The following ADGRB2 variants were observed in gnomAD, a reference collection of about 807,000 sequenced individuals.
ADGRB2 encodes adhesion G protein-coupled receptor B2.
Under a neutral mutation model 178.7 loss-of-function variants are expected in ADGRB2, and 47 were observed. The observed-to-expected ratio is 0.26, with a 90% CI of 0.21 to 0.34. ADGRB2 has a LOEUF of 0.34. Ranked by LOEUF, ADGRB2 falls within the 10% of genes least tolerant of loss-of-function variation. The pLI is 1.00. For missense variants in ADGRB2, 1,584 were observed against 2,180.8 expected, an observed-to-expected ratio of 0.73 and a Z score of 5.45; for synonymous variants, 870 against 912.4, an observed-to-expected ratio of 0.95 and a Z score of 0.84.
chr1:31,741,937 G>A lies in ADGRB2; in HGVS notation c.1448C>T (p.Ala483Val), dbSNP rs1364413308. 8 of 1,599,522 alleles carry A rather than the reference G, an allele frequency of 5.0e-6. No individual in the cohort carries two copies. Among genetic ancestry groups the A allele is most frequent in the Non-Finnish European group, 6.8e-6 (8 of 1,170,194 alleles). ...ACACGTCTTAGAGCACAGGCTCCACGCATTCCATGGCCCCCACTTGCTATC... is the reference window on the plus strand; with the variant it reads ...ACACGTCTTAGAGCACAGGCTCCACACATTCCATGGCCCCCACTTGCTATC... ...ATDSKWGPWN[A>V]WSLCSKTCDT... is the part of the protein sequence containing the mutation. The change falls in exon 9 of 33, where the codon GCG becomes GTG. Residue 483 changes from alanine (A) to valine (V), a missense_variant. By Grantham distance (64) the Ala-to-Val change is moderately conservative. Coordinates refer to ENST00000373658, the MANE Select transcript of ADGRB2 (RefSeq NM_001364857.2). This position sits in a 1 kb window ranked among gnomAD's most constrained non-coding sequence, Gnocchi z 6.5.
rs2148885399 is a variant in ADGRB2, at chr1:31,730,823, T to C, written c.4357A>G (p.Thr1453Ala). Residue 1453 changes from threonine to alanine, a missense_variant, in exon 29 of 33, where the codon ACC becomes GCC. By Grantham distance (58) the Thr-to-Ala change is moderately conservative. Around this residue, in one of 3 missense-constraint regions of ADGRB2, gnomAD observed 865 missense variants for 1,192.8 expected, o/e 0.73. Transcript: ENST00000373658. Reference sequence around the variant, plus strand: ...ACCTCCAGGGAGCCCATCTTCATGGTAGAGCCGGGCACGGTGCGAGGCATG... The same window carrying C: ...ACCTCCAGGGAGCCCATCTTCATGGCAGAGCCGGGCACGGTGCGAGGCATG... ...RTMPRTVPGS[T>A]MKMGSLERKK... 3 of 1,507,852 alleles carry C rather than the reference T, an allele frequency of 2.0e-6. No individual in the cohort carries two copies. Among genetic ancestry groups the C allele is most frequent in the South Asian group, 1.3e-5 (1 of 74,230 alleles). The allele number at this position is 1,507,852 out of a possible 1,614,324, so 93.4% of individuals were successfully genotyped here. A position where few individuals can be genotyped will look rare whatever the true frequency, so the allele number is the denominator to read the frequency against.
chr1:31,760,570 C>A (rs1409058158), intron 1 of ADGRB2: 1 of 152,120 alleles, frequency 6.6e-6, no homozygotes, highest in Non-Finnish European at 1.5e-5. Flanking sequence ...CAGGATGACT[C>A]CCATTCACGC....
In ADGRB2 at chr1:31,735,738, G is replaced by A. The variant is rs931344608; in HGVS notation, c.3268-73C>T. 7.0e-5 allele frequency: 111 copies of A among 1,575,988 alleles called. No individual in the cohort carries two copies. Among genetic ancestry groups the A allele is most frequent in the Non-Finnish European group, 9.3e-5 (107 of 1,155,852 alleles). On this transcript the variant is annotated intron_variant, in intron 23 of 32. Transcript: ENST00000373658. This position sits in a 1 kb window ranked among gnomAD's most constrained non-coding sequence, Gnocchi z 6.0. ...CCTCCTGGCAGGGAAATCCCCATGT[G>A]GGAGCTGGAGCGCAGGGAGGAGGTA...
At position 31,741,871 on chromosome 1, in the gene ADGRB2, G is replaced by A. The variant is rs374037147; in HGVS notation, c.1514C>T (p.Thr505Met). 3.4e-5 allele frequency: 55 copies of A among 1,610,978 alleles called. No homozygotes were observed. The highest frequency in any genetic ancestry group is 4.2e-5 in the Non-Finnish European group (49 of 1,177,800). ...WQRRFRMCQA[T>M]GTQGYPCEGT... is the part of the protein sequence containing the mutation. Reference sequence around the variant, plus strand: ...CTCGCAGGGGTAGCCCTGCGTGCCCGTGGCCTGGCACATGCGGAAGCGGCG... The same window carrying A: ...CTCGCAGGGGTAGCCCTGCGTGCCCATGGCCTGGCACATGCGGAAGCGGCG... Residue 505 changes from threonine to methionine, a missense_variant, in exon 9 of 33, where the codon ACG becomes ATG. Thr to Met is a moderately conservative substitution (Grantham distance 81). Transcript: ENST00000373658. The surrounding 1 kb of genome is among the most constrained non-coding windows in gnomAD (Gnocchi z 6.5).
chr1:31,760,442 T>G (rs543709264), intron 1 of ADGRB2, among the ~76,000 whole-genome samples: 2 of 152,152 alleles, frequency 1.3e-5, no homozygotes, highest in Admixed American at 6.5e-5. Context: ...GCTTCCCTTC[T>G]GCACCAATAA....
rs4949222 is a variant in ADGRB2, at chr1:31,755,314, G to A, written c.838+685C>T. Among the ~76,000 whole-genome samples the A allele has an allele frequency of 6.6e-6, 1 of 152,068 alleles. No homozygotes were observed. Among genetic ancestry groups the A allele is most frequent in the South Asian group, 2.1e-4 (1 of 4,830 alleles). On this transcript the variant is annotated intron_variant, in intron 4 of 32. Coordinates refer to ENST00000373658, the MANE Select transcript of ADGRB2 (RefSeq NM_001364857.2). The surrounding 1 kb of genome is among the most constrained non-coding windows in gnomAD (Gnocchi z 5.1). ...GGGAGCAGGCAGGACTCAAGGGCTC[G>A]CAGAGCTTTTGCCCAGTCAGCAGGA... is the stretch of plus-strand genomic sequence containing the variant.
intron 1 of ADGRB2, among the ~76,000 whole-genome samples, chr1:31,763,168 C>T (rs577023884): frequency 6.6e-6 from 1 of 151,790 alleles, no homozygotes; most frequent in South Asian, 2.1e-4. Flanking sequence ...GATGCGGGTC[C>T]AGTCGGGATC....
rs1305870534 is a variant in ADGRB2, at chr1:31,753,958, G to T, written c.838+2041C>A. 1.3e-5 allele frequency among the ~76,000 whole-genome samples: 2 copies of T among 152,146 alleles called. No individual in the cohort carries two copies. The highest frequency in any genetic ancestry group is 4.8e-5 in the African/African-American group (2 of 41,420). On this transcript the variant is annotated intron_variant, in intron 4 of 32. Transcript: ENST00000373658. The surrounding 1 kb of genome is among the most constrained non-coding windows in gnomAD (Gnocchi z 4.1). ...TCATCCCATGCCAACTCCCTACAGG[G>T]GCCCTCCCTAAAAAGCAACCCCAAG... is the stretch of plus-strand genomic sequence containing the variant.
chr1:31,759,242 C>A lies in ADGRB2; in HGVS notation c.-190-1731G>T. 2.6e-6 allele frequency: 2 copies of A among 770,870 alleles called. No homozygotes were observed. Among genetic ancestry groups the A allele is most frequent in the Non-Finnish European group, 4.9e-6 (2 of 411,346 alleles). The allele number at this position is 770,870 out of a possible 1,614,324, so 47.8% of individuals were successfully genotyped here. A position where few individuals can be genotyped will look rare whatever the true frequency, so the allele number is the denominator to read the frequency against. On this transcript the variant is annotated intron_variant, in intron 1 of 32. Transcript: ENST00000373658. The surrounding 1 kb of genome is among the most constrained non-coding windows in gnomAD (Gnocchi z 4.3). ...GCTGTCACACACACTCAGGAGTTAA[C>A]ACGCACACACAGGGGTGTAGAGGCT...
At position 31,739,586 on chromosome 1, in the gene ADGRB2, C is replaced by A; in HGVS notation, c.2217G>T (p.Thr739=). 1 of 1,609,466 alleles carries A rather than the reference C, an allele frequency of 6.2e-7. No individual in the cohort carries two copies. Among genetic ancestry groups the A allele is most frequent in the Middle Eastern group, 1.7e-4 (1 of 6,048 alleles). ...EPVSAVSSDI[T]FPMRGRRGMK... is the part of the protein sequence containing the mutation. ...TGCCCCGGCGGCCCCGCATGGGGAA[C>A]GTGATGTCACTGGACACAGCTGAGA... Residue 739 remains threonine, a synonymous_variant, in exon 15 of 33, where the codon ACG becomes ACT. Coordinates refer to ENST00000373658, the MANE Select transcript of ADGRB2 (RefSeq NM_001364857.2).
In ADGRB2 at chr1:31,737,442, C is replaced by T. The variant is rs771114994; in HGVS notation, c.2966G>A (p.Arg989Gln). The T allele has an allele frequency of 9.9e-6, 16 of 1,613,972 alleles. No homozygotes were observed. The highest frequency in any genetic ancestry group is 1.3e-5 in the African/African-American group (1 of 74,912). ...SNILILVGQS[R>Q]VLSKGVCTMT... Reference sequence around the variant, plus strand: ...GTCTGCACCTGCCTTGCTCAGCACCCGGGACTGGCCCACGAGGATCAGGAT... The same window carrying T: ...GTCTGCACCTGCCTTGCTCAGCACCTGGGACTGGCCCACGAGGATCAGGAT... The change falls in exon 20 of 33, where the codon CGG (arginine) becomes CAG (glutamine). Residue 989 changes from arginine to glutamine, a missense_variant. Arg to Gln is a conservative substitution (Grantham distance 43). This residue lies in a region of ADGRB2 where 865 missense variants were observed against 1,192.8 expected (regional missense o/e 0.73). Transcript: ENST00000373658.
chr1:31,737,904 C>G (rs892279963), intron 18 of ADGRB2, 149 bp from the exon 19 acceptor site: 32 of 803,294 alleles, frequency 4.0e-5, no homozygotes, highest in Non-Finnish European at 6.0e-5. Context: ...ACAGAACAGA[C>G]CCGGGTATCT....
In ADGRB2 at chr1:31,757,279, A is replaced by T; in HGVS notation, c.-58T>A. On this transcript the variant is annotated splice_region_variant and 5_prime_UTR_variant, in exon 3 of 33. Transcript: ENST00000373658. ...CAGCTGTGAGGCATGTCACCGCGTA[A>T]TCCTGTGGTAATTGTCAAAGTGGTG... 1 of 1,600,986 alleles carries T rather than the reference A, an allele frequency of 6.2e-7. No individual in the cohort carries two copies. The highest frequency in any genetic ancestry group is 8.6e-7 in the Non-Finnish European group (1 of 1,169,472).
intron 27 of ADGRB2, 145 bp downstream of exon 27, chr1:31,732,372 C>T: frequency 8.7e-7 from 1 of 1,152,968 alleles, no homozygotes; most frequent in Non-Finnish European, 1.3e-6. Flanking sequence ...CCAATGCCAC[C>T]CAGGTGTTAG....
rs369600137 is a variant in ADGRB2, at chr1:31,744,617, C to T, written c.922+31G>A. 67 of 1,611,328 alleles carry T rather than the reference C, an allele frequency of 4.2e-5. No individual in the cohort carries two copies. Among genetic ancestry groups the T allele is most frequent in the Non-Finnish European group, 5.5e-5 (65 of 1,178,412 alleles). ...CCAGACGCACACAGTCGGGCCCCCG[C>T]CGCAGAGGAAGGGAGGCGGGCCCGA... On this transcript the variant is annotated intron_variant, in intron 5 of 32. Transcript: ENST00000373658. The surrounding 1 kb of genome is among the most constrained non-coding windows in gnomAD (Gnocchi z 6.7).
Position 31,736,600 on chromosome 1 carries a change from G to C in ADGRB2, c.3103C>G (p.Arg1035Gly), listed in dbSNP as rs763154816. Residue 1035 changes from arginine (R) to glycine (G), a missense_variant, in exon 21 of 33, where the codon CGC (arginine) becomes GGC (glycine). Around this residue, in one of 3 missense-constraint regions of ADGRB2, gnomAD observed 865 missense variants for 1,192.8 expected, o/e 0.73. Coordinates refer to ENST00000373658, the MANE Select transcript of ADGRB2 (RefSeq NM_001364857.2). ...CAGCCCAGGCAGAGGAAGCGCTTGC[G>C]AACGAGGCGGGTGCGCATCCGCCCA... The part of the protein sequence containing the change: ...VIGRMRTRLV[R>G]KRFLCLGWGL... 1 of 1,614,076 alleles carries C rather than the reference G, an allele frequency of 6.2e-7. No individual in the cohort carries two copies. The highest frequency in any genetic ancestry group is 1.1e-5 in the South Asian group (1 of 91,074).
intron 4 of ADGRB2, among the ~76,000 whole-genome samples, chr1:31,750,311 G>A (rs1646501902): frequency 6.6e-6 from 1 of 152,134 alleles, no homozygotes; most frequent in Admixed American, 6.5e-5. Context: ...TTGTTCAGAG[G>A]GCCTAGCTTC....
In ADGRB2 at chr1:31,739,528, G is replaced by A. The variant is rs1645817355; in HGVS notation, c.2275C>T (p.Leu759Phe). The A allele has an allele frequency of 6.2e-7, 1 of 1,613,036 alleles. No homozygotes were observed. The highest frequency in any genetic ancestry group is 1.3e-5 in the African/African-American group (1 of 74,958). The stretch of plus-strand genomic sequence containing the variant: ...CTGAGCACCTCCTTGGGCAGGAAGA[G>A]GCGGTCCTCTGAGTGCCGCACCCAG... ...KDWVRHSEDR[L>F]FLPKEVLSLS... Residue 759 changes from leucine to phenylalanine, a missense_variant, in exon 15 of 33, where the codon CTC (leucine) becomes TTC (phenylalanine). By Grantham distance (22) the Leu-to-Phe change is conservative. Coordinates refer to ENST00000373658, the MANE Select transcript of ADGRB2 (RefSeq NM_001364857.2).
rs775358581 is a variant in ADGRB2, at chr1:31,740,216, C to T, written c.1990-38G>A. Reference sequence around the variant, plus strand: ...CAATGAGTGGCAGGGGGTCCTAGCCCCAGGGAACAGGGGGCTTCCCCCACT... The same window carrying T: ...CAATGAGTGGCAGGGGGTCCTAGCCTCAGGGAACAGGGGGCTTCCCCCACT... On this transcript the variant is annotated intron_variant, in intron 12 of 32. Transcript: ENST00000373658. The surrounding 1 kb of genome is among the most constrained non-coding windows in gnomAD (Gnocchi z 5.9). 2.5e-6 allele frequency: 4 copies of T among 1,613,174 alleles called. No individual in the cohort carries two copies. Among genetic ancestry groups the T allele is most frequent in the Non-Finnish European group, 3.4e-6 (4 of 1,179,490 alleles).
Sources: gnomAD v4.1 joint callset for allele counts (sites outside exome capture counted in the v4.1 genomes callset) on GRCh38, gnomAD v4.1.1 for gene constraint, gnomAD v4.1.1 regional missense constraint, Gnocchi (gnomAD v3.1) non-coding constraint, MANE v1.5 for transcripts, NCBI Gene and HGNC (gene_info 2026-07-23, HGNC 2026-07-21) for gene names.